The following ITCH variants were observed in gnomAD, a reference collection of about 807,000 sequenced individuals.
ITCH encodes E3 ubiquitin-protein ligase Itchy homolog.
A neutral mutation model predicts 126.8 loss-of-function variants in ITCH; 28 were observed. The ratio of observed to expected loss-of-function variants is 0.22; its 90% CI spans 0.16 to 0.30. The LOEUF is 0.30. Among genes scored for constraint, ITCH ranks in the 10% least tolerant of loss-of-function variants. The pLI is 1.00. For missense variants in ITCH, 631 were observed against 1,032.4 expected, an observed-to-expected ratio of 0.61 and a Z score of 5.33; for synonymous variants, 342 against 340.0, an observed-to-expected ratio of 1.01 and a Z score of -0.06.
At chr20:34,412,082 T>G (rs1352440687) in intron 4 of ITCH, among the ~76,000 whole-genome samples, 1 of 152,240 alleles carries the variant, frequency 6.6e-6, no homozygotes, top group African/African-American at 2.4e-5. Flanking sequence ...GCTTTATCTC[T>G]GAATGTCAGT....
chr20:34,478,545 T>C (rs1291900859), intron 17 of ITCH, among the ~76,000 whole-genome samples: 1 of 152,172 alleles, frequency 6.6e-6, no homozygotes, highest in Non-Finnish European at 1.5e-5. Context: ...CAAGACGGGA[T>C]TTGAATCTTT....
intron 7 of ITCH, among the ~76,000 whole-genome samples, chr20:34,435,369 A>G (rs1467427463): frequency 6.6e-6 from 1 of 152,138 alleles, no homozygotes; most frequent in Non-Finnish European, 1.5e-5. Context: ...GGGTTTCGCC[A>G]TATAAGCCAG....
chr20:34,454,081 A>G (rs566406569), intron 12 of ITCH, among the ~76,000 whole-genome samples: 1 of 152,150 alleles, frequency 6.6e-6, no homozygotes, highest in East Asian at 1.9e-4. Flanking sequence ...CAAGACATGA[A>G]CTTATCTTGC....
Position 34,464,646 on chromosome 20 carries a change from A to G in ITCH, c.1424+2425A>G, listed in dbSNP as rs185297615. ...CCAGCCTGTCAGTTTTTTCTTTGTC[A>G]CCTGTACCTTTGGTGTCATATCCAA... is the stretch of plus-strand genomic sequence containing the variant. On this transcript the variant is annotated intron_variant, in intron 14 of 24. Transcript: ENST00000374864. Among the ~76,000 whole-genome samples the G allele has an allele frequency of 1.6e-3, 241 of 150,180 alleles. 3 individuals carry two copies. The highest frequency in any genetic ancestry group is 3.5e-3 in the Middle Eastern group (1 of 288).
chr20:34,414,536 G>A (rs539498585), intron 6 of ITCH, among the ~76,000 whole-genome samples: 10 of 146,530 alleles, frequency 6.8e-5, no homozygotes, highest in Admixed American at 7.1e-5. Context: ...GCACGATTTC[G>A]GCTCACCGCA....
intron 7 of ITCH, 88 bp downstream of exon 7, chr20:34,424,613 TA>T (rs551764845): frequency 1.3e-3 from 1,419 of 1,059,434 alleles, no homozygotes; most frequent in Non-Finnish European, 1.6e-3. Flanking sequence ...GTTCATGATA[TA>T]AGAATAAATG....
At chr20:34,461,953 G>A in intron 13 of ITCH, 140 bp from the exon 14 acceptor site, 1 of 755,968 alleles carries the variant, frequency 1.3e-6, no homozygotes, top group Non-Finnish European at 2.2e-6. Context: ...ACATAGAGAT[G>A]TCTAGTATAC....
chr20:34,424,692 C>T (rs1039996800), intron 7 of ITCH, among the ~76,000 whole-genome samples, 167 bp downstream of exon 7: 13 of 152,136 alleles, frequency 8.5e-5, no homozygotes, highest in Non-Finnish European at 1.9e-4. Flanking sequence ...CTTAGCTTAT[C>T]GGATTAGAGC....
intron 3 of ITCH, among the ~76,000 whole-genome samples, chr20:34,403,657 T>C (rs1276866982): frequency 3.3e-5 from 5 of 151,832 alleles, no homozygotes; most frequent in African/African-American, 1.2e-4. Context: ...TAAGACAAAA[T>C]GAAAAGCTGA....
chr20:34,453,759 C>T (rs545689228), intron 12 of ITCH, among the ~76,000 whole-genome samples: 28 of 152,032 alleles, frequency 1.8e-4, no homozygotes, highest in African/African-American at 6.8e-4. Context: ...TTTGGGAGGT[C>T]GAGGCGGGTG....
At chr20:34,400,780 C>G (rs1395809603) in intron 3 of ITCH, among the ~76,000 whole-genome samples, 1 of 149,034 alleles carries the variant, frequency 6.7e-6, no homozygotes, top group Non-Finnish European at 1.5e-5. Context: ...TTTATTGAAA[C>G]AGAGTCTCGC....
At chr20:34,413,994 TC>T in intron 6 of ITCH, 115 bp downstream of exon 6, 1 of 930,344 alleles carries the variant, frequency 1.1e-6, no homozygotes, top group Non-Finnish European at 1.6e-6. Flanking sequence ...AATGTTTTTT[TC>T]TGGCCGGTGT....
At chr20:34,453,761 A>G (rs1985534994) in intron 12 of ITCH, among the ~76,000 whole-genome samples, 1 of 152,150 alleles carries the variant, frequency 6.6e-6, no homozygotes. Context: ...TGGGAGGTCG[A>G]GGCGGGTGAA....
At chr20:34,448,588 CTTG>C (rs1391466600) in intron 11 of ITCH, among the ~76,000 whole-genome samples, 1 of 151,550 alleles carries the variant, frequency 6.6e-6, no homozygotes. Context: ...CCCTGTTTTA[CTTG>C]TTTTTTTTTT....
In ITCH at chr20:34,510,517, C is replaced by G. The variant is rs1342823784; in HGVS notation, c.*2723C>G. On this transcript the variant is annotated 3_prime_UTR_variant, in exon 25 of 25. Coordinates refer to ENST00000374864, the MANE Select transcript of ITCH (RefSeq NM_031483.7). ...AAAACAAAGTAAAATGAGCAATTGC[C>G]TTATTGTTCTGCTCTTTTGCAGGGG... 1 of 118,246 alleles carries G rather than the reference C, an allele frequency of 8.5e-6. No homozygotes were observed. The highest frequency in any genetic ancestry group is 9.9e-5 in the Admixed American group (1 of 10,054). The allele number at this position is 118,246 out of a possible 1,614,324, so 7.3% of individuals were successfully genotyped here.
chr20:34,493,023 A>C (rs1989624277), intron 23 of ITCH, among the ~76,000 whole-genome samples: 1 of 152,218 alleles, frequency 6.6e-6, no homozygotes, highest in Non-Finnish European at 1.5e-5. Context: ...TCATATCTTC[A>C]TCTTTTTATT....
chr20:34,473,119 A>G lies in ITCH; in HGVS notation c.1569+1604A>G, dbSNP rs374039742. On this transcript the variant is annotated intron_variant, in intron 16 of 24. Transcript: ENST00000374864. Reference sequence around the variant, plus strand: ...AATAACTGGTTAATAAAAATATAAGAGAACAATTTGATTGCTTAAAGGTAA... The same window carrying G: ...AATAACTGGTTAATAAAAATATAAGGGAACAATTTGATTGCTTAAAGGTAA... 3.3e-3 allele frequency among the ~76,000 whole-genome samples: 506 copies of G among 152,360 alleles called. 1 individual carries two copies. In the Middle Eastern group the frequency reaches 0.041, roughly 12 times the overall value.
intron 1 of ITCH, 40 bp from the exon 2 acceptor site, chr20:34,369,354 A>T (rs969227049): frequency 2.5e-6 from 1 of 398,802 alleles, no homozygotes; most frequent in South Asian, 1.3e-4. Flanking sequence ...ACAAAAAAAT[A>T]TAGAAGTAAT....
At chr20:34,430,332 A>G (rs1226403227) in intron 7 of ITCH, among the ~76,000 whole-genome samples, 1 of 152,206 alleles carries the variant, frequency 6.6e-6, no homozygotes, top group Non-Finnish European at 1.5e-5. Flanking sequence ...TTGGGATGAT[A>G]TACAAGTAAG....
Sources: allele counts gnomAD v4.1 joint callset (sites outside exome capture counted in the v4.1 genomes callset), GRCh38; gene constraint gnomAD v4.1.1; transcripts MANE v1.5; gene names NCBI Gene and HGNC (gene_info 2026-07-23, HGNC 2026-07-21).